The following DNAH14 variants were observed in gnomAD, a reference collection of about 807,000 sequenced individuals.
DNAH14 encodes the protein axonemal beta dynein heavy chain 14.
DNAH14 carries 478 observed loss-of-function variants against 520.9 expected under a neutral mutation model. The ratio of observed to expected loss-of-function variants is 0.92; its 90% CI spans 0.85 to 0.99. The LOEUF is 0.99. Among genes scored for constraint, DNAH14 ranks in the 50% least tolerant of loss-of-function variants. The probability of loss-of-function intolerance (pLI) is 0.00; values close to 1 mark genes in which losing one functional copy is unlikely to be tolerated. For synonymous variants in DNAH14, 1,581 were observed against 1,757.2 expected, an observed-to-expected ratio of 0.90 and a Z score of 2.51; for missense variants, 4,831 against 5,234.5, an observed-to-expected ratio of 0.92 and a Z score of 2.38.
In DNAH14 at chr1:225,080,538, G is replaced by A; in HGVS notation, c.2926G>A (p.Val976Ile). The change falls in exon 19 of 86, where the codon GTT (valine) becomes ATT (isoleucine). Residue 976 changes from valine (V) to isoleucine (I), a missense_variant. Val to Ile is a conservative substitution (Grantham distance 29, BLOSUM62 3). Coordinates refer to ENST00000682510, the MANE Select transcript of DNAH14 (RefSeq NM_001367479.1). ...TGATTCTCAATCTCATATGCATTCT[G>A]TTAATGTGGAAGAAATTACACAGAT... ...FSDSQSHMHS[V>I]NVEEITQIVL... is the part of the protein sequence containing the mutation. 6.4e-7 allele frequency: 1 copy of A among 1,551,896 alleles called. No homozygotes were observed. Among genetic ancestry groups the A allele is most frequent in the Non-Finnish European group, 8.7e-7 (1 of 1,147,044 alleles).
chr1:224,953,736 G>C (rs2060330597), intron 2 of DNAH14, among the ~76,000 whole-genome samples: 1 of 152,180 alleles, frequency 6.6e-6, no homozygotes, highest in South Asian at 2.1e-4. Context: ...ATCCTTATTG[G>C]GTGGGGGCAG....
chr1:225,053,161 G>A (rs1287612811), intron 17 of DNAH14, among the ~76,000 whole-genome samples: 1 of 152,048 alleles, frequency 6.6e-6, no homozygotes, highest in Non-Finnish European at 1.5e-5. Context: ...CTTTTAACTG[G>A]GAGCATGGTA....
At chr1:225,033,434 T>C (rs1349834548) in intron 11 of DNAH14, among the ~76,000 whole-genome samples, 1 of 152,218 alleles carries the variant, frequency 6.6e-6, no homozygotes, top group African/African-American at 2.4e-5. Context: ...TCCATTGGTC[T>C]ATGTGCCTGT....
chr1:225,312,927 G>A (rs573044925), intron 60 of DNAH14, among the ~76,000 whole-genome samples: 1 of 152,288 alleles, frequency 6.6e-6, no homozygotes, highest in African/African-American at 2.4e-5. Context: ...GTCTCTGCCA[G>A]GTTTTGGTAT....
intron 55 of DNAH14, among the ~76,000 whole-genome samples, chr1:225,293,835 A>G (rs1260446120): frequency 6.6e-6 from 1 of 152,156 alleles, no homozygotes; most frequent in Admixed American, 6.5e-5. Context: ...TTTTTTAAAA[A>G]AAGAGTTTTT....
intron 84 of DNAH14, 74 bp from the exon 85 acceptor site, chr1:225,398,446 C>T: frequency 1.3e-6 from 2 of 1,515,386 alleles, no homozygotes; most frequent in Non-Finnish European, 1.8e-6. Flanking sequence ...TCGGTCGGCT[C>T]AATTCCGGAC....
rs1558426169 is a variant in DNAH14 at position 225,335,298 on chromosome 1, C to CGTGTGT, written c.10080+1792_10080+1793insGTGTGT. 5.7e-5 allele frequency among the ~76,000 whole-genome samples: 7 copies of CGTGTGT among 121,998 alleles called. 2 individuals are homozygous for CGTGTGT. The highest frequency in any genetic ancestry group is 2.2e-4 in the African/African-American group (7 of 31,848). 80.0% of individuals were successfully genotyped at this position (121,998 alleles called of 152,430 possible). A position where few individuals can be genotyped will look rare whatever the true frequency, so the allele number is the denominator to read the frequency against. The stretch of plus-strand genomic sequence containing the variant: ...CATTGTGTGTATATGCACATATACA[C>CGTGTGT]ATGTGTACACGTGTGTATATGCACA... On this transcript the variant is annotated intron_variant, in intron 66 of 85. Transcript: ENST00000682510.
intron 12 of DNAH14, 105 bp downstream of exon 12, chr1:225,038,928 C>A (rs1156945118): frequency 3.0e-6 from 3 of 1,011,016 alleles, no homozygotes; most frequent in Admixed American, 3.6e-5. Context: ...AGCCCTTACC[C>A]AACATACCCT....
intron 23 of DNAH14, among the ~76,000 whole-genome samples, chr1:225,107,639 A>G (rs1030445379): frequency 6.6e-6 from 1 of 152,206 alleles, no homozygotes; most frequent in Non-Finnish European, 1.5e-5. Flanking sequence ...AGCACAGGAC[A>G]GGAACCCCAC....
rs112515788 is a variant in DNAH14, at chr1:225,151,724, T to C, written c.4941-281T>C. On this transcript the variant is annotated intron_variant, in intron 31 of 85. Transcript: ENST00000682510. Reference sequence around the variant, plus strand: ...TAAGTGTCTCCCAGGTTCCTTTTACTATGTAAGTCAACTCATTCAGCTAGG... The same window carrying C: ...TAAGTGTCTCCCAGGTTCCTTTTACCATGTAAGTCAACTCATTCAGCTAGG... Among the ~76,000 whole-genome samples the C allele has an allele frequency of 3.9e-3, 593 of 152,340 alleles. 5 individuals are homozygous for C. The highest frequency in any genetic ancestry group is 0.013 in the African/African-American group (561 of 41,580).
At chr1:224,966,747 T>A (rs951061804) in intron 5 of DNAH14, among the ~76,000 whole-genome samples, 10 of 152,172 alleles carry the variant, frequency 6.6e-5, no homozygotes, top group African/African-American at 2.4e-4. Flanking sequence ...GCCACAATGG[T>A]GTGAGTAAAG....
chr1:225,043,124 T>C lies in DNAH14; in HGVS notation c.1768+10T>C. Reference sequence around the variant, plus strand: ...GAAGATATTATTTCAGGTAAGACAATTGAGACTATAAAGAATGAGGGGTTG... The same window carrying C: ...GAAGATATTATTTCAGGTAAGACAACTGAGACTATAAAGAATGAGGGGTTG... On this transcript the variant is annotated intron_variant, in intron 13 of 85. Transcript: ENST00000682510. The C allele has an allele frequency of 5.2e-6, 8 of 1,545,178 alleles. No individual in the cohort carries two copies. The highest frequency in any genetic ancestry group is 2.0e-4 in the Middle Eastern group (1 of 4,892).
chr1:225,012,103 C>T (rs2064823312), intron 10 of DNAH14, among the ~76,000 whole-genome samples: 1 of 152,048 alleles, frequency 6.6e-6, no homozygotes, highest in South Asian at 2.1e-4. Context: ...TTTTCCTTTC[C>T]ATATTTAGTG....
At chr1:225,265,501 A>G (rs937777015) in intron 48 of DNAH14, 132 bp downstream of exon 48, 5 of 690,228 alleles carry the variant, frequency 7.2e-6, no homozygotes, top group Admixed American at 4.1e-5. Context: ...GATGCAATGT[A>G]TAACAGAAAC....
chr1:225,313,318 CTT>C (rs1425707214), intron 60 of DNAH14, among the ~76,000 whole-genome samples: 1 of 151,954 alleles, frequency 6.6e-6, no homozygotes, highest in Admixed American at 6.6e-5. Context: ...TATTGTGTCT[CTT>C]TGATTCTTCT....
intron 54 of DNAH14, among the ~76,000 whole-genome samples, chr1:225,288,323 A>G (rs4653628): frequency 0.13 from 20,144 of 152,172 alleles, 1,535 homozygotes; most frequent in East Asian, 0.33. Flanking sequence ...TCTTAAGGCC[A>G]TCAAAAATAA....
intron 21 of DNAH14, among the ~76,000 whole-genome samples, chr1:225,087,638 G>T (rs2073960687): frequency 6.6e-6 from 1 of 152,224 alleles, no homozygotes; most frequent in Non-Finnish European, 1.5e-5. Context: ...AAGGAAGATG[G>T]GGAGGAGTAC....
chr1:225,206,956 C>G lies in DNAH14; in HGVS notation c.6187-12C>G. ...TATTTACATAAGATTATATTTTGCT[C>G]CTTATTATTAGGATCCTGTTGATCT... On this transcript the variant is annotated splice_polypyrimidine_tract_variant and intron_variant, in intron 40 of 85. Transcript: ENST00000682510. 2 of 1,461,066 alleles carry G rather than the reference C, an allele frequency of 1.4e-6. No homozygotes were observed. The highest frequency in any genetic ancestry group is 1.8e-6 in the Non-Finnish European group (2 of 1,106,266). 90.5% of individuals were successfully genotyped at this position (1,461,066 alleles called of 1,614,324 possible).
rs938172671 is a variant in DNAH14 at position 225,155,567 on chromosome 1, T to C, written c.5273+1741T>C. Among the ~76,000 whole-genome samples, 4 of 152,320 alleles carry C rather than the reference T, an allele frequency of 2.6e-5. No individual in the cohort carries two copies. The East Asian group carries it at 5.8e-4, about 22-fold the overall frequency. Reference sequence around the variant, plus strand: ...AGCTCCCTGATATCCTCAAGTCCTCTGGATTTTATAGTCCTGTAGTCACCT... The same window carrying C: ...AGCTCCCTGATATCCTCAAGTCCTCCGGATTTTATAGTCCTGTAGTCACCT... On this transcript the variant is annotated intron_variant, in intron 34 of 85. Coordinates refer to ENST00000682510, the MANE Select transcript of DNAH14 (RefSeq NM_001367479.1).
Sources: gnomAD v4.1 joint callset for allele counts (sites outside exome capture counted in the v4.1 genomes callset) on GRCh38, gnomAD v4.1.1 for gene constraint, MANE v1.5 for transcripts, NCBI Gene and HGNC (gene_info 2026-07-23, HGNC 2026-07-21) for gene names.